SMIM14: variants seen among roughly 807,000 people sequenced by gnomAD.
The protein encoded by SMIM14 is chromosome 4 open reading frame 34.
SMIM14 carries 5 observed loss-of-function variants against 12.6 expected under a neutral mutation model. The observed-to-expected ratio is 0.40, with a 90% CI of 0.21 to 0.83. The LOEUF (loss-of-function observed/expected upper bound fraction) is 0.83, where lower values mean the gene tolerates loss of function less well. Among genes scored for constraint, SMIM14 ranks in the 40% least tolerant of loss-of-function variants. SMIM14 has a pLI of 0.37. For synonymous variants in SMIM14, 30 were observed against 40.1 expected (o/e 0.75, Z 0.95); for missense variants, 86 against 119.1 (o/e 0.72, Z 1.29).
In SMIM14 at chr4:39,592,251, A is replaced by C. The variant is rs965026229; in HGVS notation, c.75+12820T>G. Among the ~76,000 whole-genome samples, 3 of 150,074 alleles carry C rather than the reference A, an allele frequency of 2.0e-5. No homozygotes were observed. In the Admixed American group the frequency reaches 2.0e-4, roughly 10 times the overall value. ...TAGACAGATAGATAGATAGTCACAG[A>C]GATGGTCATTTGCCTCTTTTTTTTT... On this transcript the variant is annotated intron_variant, in intron 2 of 4. Coordinates refer to ENST00000295958, the MANE Select transcript of SMIM14 (RefSeq NM_174921.3).
intron 2 of SMIM14, among the ~76,000 whole-genome samples, chr4:39,601,490 A>G (rs1452365399): frequency 1.3e-5 from 2 of 152,238 alleles, no homozygotes; most frequent in African/African-American, 4.8e-5. Flanking sequence ...GAGTTTCCTA[A>G]GCACACAGGG....
At chr4:39,562,024 C>T (rs1404122729) in intron 3 of SMIM14, among the ~76,000 whole-genome samples, 1 of 146,574 alleles carries the variant, frequency 6.8e-6, no homozygotes, top group Non-Finnish European at 1.5e-5. Flanking sequence ...TATCTCCTAG[C>T]TTGGTTCCTA....
At chr4:39,571,358 A>C (rs557396128) in intron 3 of SMIM14, among the ~76,000 whole-genome samples, 2 of 152,148 alleles carry the variant, frequency 1.3e-5, no homozygotes, top group South Asian at 4.2e-4. Context: ...CAGAAGGATC[A>C]CTTGATCCCA....
intron 3 of SMIM14, among the ~76,000 whole-genome samples, chr4:39,566,743 C>T (rs989226364): frequency 4.0e-5 from 6 of 151,848 alleles, no homozygotes; most frequent in Non-Finnish European, 5.9e-5. Flanking sequence ...CCATGGCAGG[C>T]GGATCATGAG....
chr4:39,589,249 G>T (rs895189005), intron 2 of SMIM14, among the ~76,000 whole-genome samples: 5 of 152,078 alleles, frequency 3.3e-5, no homozygotes, highest in African/African-American at 1.2e-4. Flanking sequence ...ACCACATCTG[G>T]CTAATTTTTG....
In SMIM14 at chr4:39,546,904, A is replaced by G. The variant is rs753828540; in HGVS notation, c.*5222T>C. ...CATTCTAGGTCACAGAACAGAAGCA[A>G]ATTTTCACTTTTGTGTGTTTTTGGT... On this transcript the variant is annotated 3_prime_UTR_variant, in exon 5 of 5. Transcript: ENST00000295958. 7 of 152,332 alleles carry G rather than the reference A, an allele frequency of 4.6e-5. No individual in the cohort carries two copies. Among genetic ancestry groups the G allele is most frequent in the Non-Finnish European group, 7.4e-5 (5 of 68,024 alleles). 9.4% of individuals were successfully genotyped at this position (152,332 alleles called of 1,614,324 possible). A position where few individuals can be genotyped will look rare whatever the true frequency, so the allele number is the denominator to read the frequency against.
At chr4:39,579,343 G>A (rs35112298) in intron 2 of SMIM14, among the ~76,000 whole-genome samples, 12 of 150,388 alleles carry the variant, frequency 8.0e-5, no homozygotes, top group African/African-American at 9.8e-5. Flanking sequence ...CCAGGATGTC[G>A]AGGATGCTGT....
chr4:39,580,414 A>G (rs1367128476), intron 2 of SMIM14, among the ~76,000 whole-genome samples: 1 of 152,128 alleles, frequency 6.6e-6, no homozygotes, highest in Admixed American at 6.6e-5. Flanking sequence ...TTCTAGGCTC[A>G]AGGAATCCTC....
chr4:39,563,551 C>A (rs771887839), intron 3 of SMIM14, among the ~76,000 whole-genome samples: 1 of 152,212 alleles, frequency 6.6e-6, no homozygotes, highest in East Asian at 1.9e-4. Context: ...CAGTTGAATG[C>A]GAACTTGTCT....
intron 2 of SMIM14, among the ~76,000 whole-genome samples, chr4:39,600,284 C>T (rs1714547893): frequency 6.6e-6 from 1 of 152,098 alleles, no homozygotes; most frequent in Admixed American, 6.5e-5. Flanking sequence ...AGTGATCCAC[C>T]TGCCTCAGCC....
intron 3 of SMIM14, among the ~76,000 whole-genome samples, chr4:39,567,731 C>G (rs1712653893): frequency 6.6e-6 from 1 of 151,718 alleles, no homozygotes; most frequent in African/African-American, 2.4e-5. Context: ...GAGCAAGACT[C>G]CGTCTCAAAA....
intron 2 of SMIM14, among the ~76,000 whole-genome samples, chr4:39,602,426 C>T (rs1227262115): frequency 3.9e-5 from 6 of 152,082 alleles, no homozygotes; most frequent in Non-Finnish European, 7.4e-5. Context: ...AAAACCCCAT[C>T]TCTACTAAAA....
At chr4:39,564,841 C>A (rs989615034) in intron 3 of SMIM14, among the ~76,000 whole-genome samples, 4 of 152,120 alleles carry the variant, frequency 2.6e-5, no homozygotes, top group Non-Finnish European at 5.9e-5. Context: ...GATTCAGGAG[C>A]CTGTGGGATG....
Position 39,552,139 on chromosome 4 carries a change from G to C in SMIM14, c.287C>G (p.Pro96Arg). Residue 96 changes from proline to arginine, a missense_variant, in exon 5 of 5, where the codon CCT (proline) becomes CGT (arginine). By Grantham distance (103) the Pro-to-Arg change is moderately radical (BLOSUM62 -2). Coordinates refer to ENST00000295958, the MANE Select transcript of SMIM14 (RefSeq NM_174921.3). ...CATATCACAAAGTTAGTCCACAGGA[G>C]GAGCTGGTGGATCTTGTCCCTGGCA... The part of the protein sequence containing the change: ...SPHNGQDPPA[P>R]PVD The C allele has an allele frequency of 6.3e-7, 1 of 1,596,680 alleles. No homozygotes were observed. Among genetic ancestry groups the C allele is most frequent in the Non-Finnish European group, 8.5e-7 (1 of 1,171,678 alleles).
At chr4:39,600,514 A>G (rs1453792595) in intron 2 of SMIM14, among the ~76,000 whole-genome samples, 3 of 151,902 alleles carry the variant, frequency 2.0e-5, no homozygotes, top group Admixed American at 1.3e-4. Context: ...ACATGGTGAA[A>G]CCCCATCTCT....
chr4:39,605,322 TTTA>T (rs1714765997), intron 1 of SMIM14, 142 bp from the exon 2 acceptor site: 4 of 514,610 alleles, frequency 7.8e-6, no homozygotes, highest in South Asian at 6.6e-5. Flanking sequence ...TATCTATTAA[TTTA>T]TTATTAATCT....
At chr4:39,575,321 G>C (rs895479859) in intron 2 of SMIM14, among the ~76,000 whole-genome samples, 1 of 151,548 alleles carries the variant, frequency 6.6e-6, no homozygotes, top group Non-Finnish European at 1.5e-5. Flanking sequence ...GGGATTACAG[G>C]CATGTGCCAC....
intron 2 of SMIM14, among the ~76,000 whole-genome samples, chr4:39,598,882 C>A (rs1310407083): frequency 6.6e-6 from 1 of 152,000 alleles, no homozygotes; most frequent in East Asian, 1.9e-4. Context: ...AAGCCAGCTC[C>A]CTGTAGTCCT....
intron 1 of SMIM14, among the ~76,000 whole-genome samples, chr4:39,622,379 GCC>G (rs2110075880): frequency 6.6e-6 from 1 of 151,360 alleles, no homozygotes; most frequent in East Asian, 2.0e-4. Flanking sequence ...ACCGCGCCCG[GCC>G]ACAAATGCAT....
Sources: gnomAD v4.1 joint callset for allele counts (sites outside exome capture counted in the v4.1 genomes callset) on GRCh38, gnomAD v4.1.1 for gene constraint, MANE v1.5 for transcripts, NCBI Gene and HGNC (gene_info 2026-07-23, HGNC 2026-07-21) for gene names.